Variants in CBLB observed in about 807,000 individuals in gnomAD.
CBLB encodes E3 ubiquitin-protein ligase CBL-B.
Under a neutral mutation model 104.9 loss-of-function variants are expected in CBLB, and 31 were observed. The observed-to-expected ratio is 0.30, with a 90% confidence interval of 0.22 to 0.40. CBLB has a LOEUF of 0.40. Among genes scored for constraint, CBLB ranks in the 10% least tolerant of loss-of-function variants. The pLI, the probability that CBLB is intolerant of heterozygous loss-of-function variation, is 1.00. For missense variants in CBLB, 1,062 were observed against 1,214.6 expected, an observed-to-expected ratio of 0.87 and a Z score of 1.87; for synonymous variants, 440 against 422.6, an observed-to-expected ratio of 1.04 and a Z score of -0.51.
intron 3 of CBLB, among the ~76,000 whole-genome samples, chr3:105,777,577 C>T (rs889505239): frequency 3.3e-5 from 5 of 152,000 alleles, no homozygotes; most frequent in African/African-American, 4.8e-5. Flanking sequence ...GACATGAACA[C>T]GCCACTGCAC....
At chr3:105,731,067 C>T (rs1274973078) in intron 9 of CBLB, among the ~76,000 whole-genome samples, 2 of 152,102 alleles carry the variant, frequency 1.3e-5, no homozygotes, top group African/African-American at 4.8e-5. Context: ...TATAAAAAAT[C>T]ATGAAATAAT....
chr3:105,711,930 T>C (rs990821912), intron 10 of CBLB, among the ~76,000 whole-genome samples: 3 of 152,090 alleles, frequency 2.0e-5, no homozygotes, highest in Non-Finnish European at 4.4e-5. Flanking sequence ...AACCTATATA[T>C]TAAGAAACAC....
At chr3:105,677,183 T>C (rs1430369600) in intron 17 of CBLB, among the ~76,000 whole-genome samples, 1 of 152,042 alleles carries the variant, frequency 6.6e-6, no homozygotes, top group Non-Finnish European at 1.5e-5. Flanking sequence ...CTATCACAAA[T>C]GGGTAAACAG....
intron 3 of CBLB, among the ~76,000 whole-genome samples, chr3:105,847,786 C>T (rs148510323): frequency 6.6e-4 from 100 of 152,174 alleles, no homozygotes; most frequent in African/African-American, 2.2e-3. Flanking sequence ...CTGATTAATA[C>T]ACACTTTTCA....
intron 9 of CBLB, among the ~76,000 whole-genome samples, chr3:105,722,182 G>A (rs1220824212): frequency 8.4e-6 from 1 of 119,672 alleles, no homozygotes; most frequent in African/African-American, 3.3e-5. Flanking sequence ...CTAGGTGTAA[G>A]GGTAAGACCC....
chr3:105,692,442 T>C (rs768480819), intron 13 of CBLB, among the ~76,000 whole-genome samples: 30 of 152,086 alleles, frequency 2.0e-4, no homozygotes, highest in Non-Finnish European at 3.5e-4. Context: ...ATCACTACAA[T>C]TGAAGAAGTC....
chr3:105,767,765 T>C (rs1170753698), intron 4 of CBLB, among the ~76,000 whole-genome samples: 1 of 152,190 alleles, frequency 6.6e-6, no homozygotes, highest in African/African-American at 2.4e-5. Context: ...TAAGCCGTCA[T>C]AACAACCATT....
chr3:105,788,492 T>A (rs1014646975), intron 3 of CBLB, among the ~76,000 whole-genome samples: 11 of 152,270 alleles, frequency 7.2e-5, no homozygotes, highest in Admixed American at 7.2e-4. Context: ...AGTTTACGAA[T>A]TTGTGTTGAG....
intron 10 of CBLB, among the ~76,000 whole-genome samples, chr3:105,718,188 C>CA (rs977330765): frequency 3.3e-5 from 5 of 151,422 alleles, no homozygotes; most frequent in African/African-American, 7.3e-5. Context: ...TTTCTTAGGT[C>CA]AAAAAAAATC....
intron 3 of CBLB, among the ~76,000 whole-genome samples, chr3:105,836,376 A>G (rs1577676016): frequency 6.6e-6 from 1 of 152,156 alleles, no homozygotes; most frequent in Non-Finnish European, 1.5e-5. Context: ...AGTGTCCTCA[A>G]TCTTGCTATA....
At chr3:105,725,970 G>C (rs1465421548) in intron 9 of CBLB, among the ~76,000 whole-genome samples, 1 of 152,002 alleles carries the variant, frequency 6.6e-6, no homozygotes, top group Non-Finnish European at 1.5e-5. Flanking sequence ...CTGTGCCTCA[G>C]CCTCCCAAGC....
chr3:105,869,356 G>A (rs1706769982), upstream of CBLB: 1 of 1,341,042 alleles, frequency 7.5e-7, no homozygotes, highest in Non-Finnish European at 9.9e-7. Flanking sequence ...GTGGCAGGTG[G>A]GCGTGAGCGT....
chr3:105,670,756 A>T, intron 17 of CBLB: 1 of 194,296 alleles, frequency 5.1e-6, no homozygotes, highest in South Asian at 9.4e-5. Flanking sequence ...GATCCTCCCT[A>T]TAAGAGTATT....
At chr3:105,682,694 G>C (rs1007552677) in intron 14 of CBLB, among the ~76,000 whole-genome samples, 1 of 151,958 alleles carries the variant, frequency 6.6e-6, no homozygotes, top group Non-Finnish European at 1.5e-5. Context: ...TTTTTAGTAG[G>C]GTTTTGCCAT....
chr3:105,783,902 G>C (rs980586921), intron 3 of CBLB, among the ~76,000 whole-genome samples: 5 of 152,182 alleles, frequency 3.3e-5, no homozygotes, highest in African/African-American at 1.2e-4. Context: ...TGCATGAAGA[G>C]AAGGACTACA....
intron 2 of CBLB, among the ~76,000 whole-genome samples, chr3:105,866,158 T>A (rs1340910272): frequency 6.6e-6 from 1 of 152,180 alleles, no homozygotes; most frequent in Non-Finnish European, 1.5e-5. Flanking sequence ...AGGCTATTTA[T>A]CTGGCAAAAA....
upstream of CBLB, chr3:105,869,144 C>T: frequency 1.4e-6 from 1 of 694,806 alleles, no homozygotes; most frequent in Non-Finnish European, 2.1e-6. Context: ...GGACGGGAGG[C>T]GCCCGTCCTC....
chr3:105,683,148 G>A (rs1158252661), intron 14 of CBLB, among the ~76,000 whole-genome samples: 1 of 152,174 alleles, frequency 6.6e-6, no homozygotes, highest in Non-Finnish European at 1.5e-5. Flanking sequence ...TAGTTATCAT[G>A]TATTGAATCT....
At chr3:105,699,889 A>C (rs1267291315) in intron 12 of CBLB, among the ~76,000 whole-genome samples, 1 of 152,184 alleles carries the variant, frequency 6.6e-6, no homozygotes, top group Non-Finnish European at 1.5e-5. Flanking sequence ...TCTAAGAGTA[A>C]CATGAAATTA....
Sources: allele counts gnomAD v4.1 joint callset (sites outside exome capture counted in the v4.1 genomes callset), GRCh38; gene constraint gnomAD v4.1.1; transcripts MANE v1.5; gene names NCBI Gene and HGNC (gene_info 2026-07-23, HGNC 2026-07-21).